IRS1: variants seen among roughly 807,000 people sequenced by gnomAD.
IRS1 encodes insulin receptor substrate 1.
IRS1 carries 34 observed loss-of-function variants against 65.6 expected under a neutral mutation model. That is an observed-to-expected ratio of 0.52 (90% confidence interval 0.39 to 0.69). IRS1 has a LOEUF of 0.69. Ranked by LOEUF, IRS1 falls within the 30% of genes least tolerant of loss-of-function variation. The pLI is 0.00. For missense variants in IRS1, 1,641 were observed against 1,720.2 expected, an observed-to-expected ratio of 0.95 and a Z score of 0.81; for synonymous variants, 699 against 683.5, an observed-to-expected ratio of 1.02 and a Z score of -0.35.
At position 226,796,784 on chromosome 2, in the gene IRS1, C is replaced by T. The variant is rs757021553; in HGVS notation, c.1955G>A (p.Arg652His). ...APQQIINPIR[R>H]HPQRVDPNGY... ...ATTGGGGTCCACTCTCTGGGGATGGCGTCTGATGGGATTGATGATCTGCTG... is the reference window on the plus strand; with the variant it reads ...ATTGGGGTCCACTCTCTGGGGATGGTGTCTGATGGGATTGATGATCTGCTG... Residue 652 changes from arginine to histidine, a missense_variant, in exon 1 of 2, where the codon CGC becomes CAC. Physicochemically the swap from Arg to His is conservative, Grantham distance 29. Around this residue, in one of 3 missense-constraint regions of IRS1, gnomAD observed 1,324 missense variants for 1,361.0 expected, o/e 0.97. Transcript: ENST00000305123. The T allele has an allele frequency of 2.5e-6, 4 of 1,585,458 alleles. No homozygotes were observed. Among genetic ancestry groups the T allele is most frequent in the East Asian group, 2.2e-5 (1 of 44,574 alleles).
chr2:226,788,249 G>C (rs557345876), intron 1 of IRS1, among the ~76,000 whole-genome samples: 1 of 152,164 alleles, frequency 6.6e-6, no homozygotes, highest in African/African-American at 2.4e-5. Flanking sequence ...ATCCAACTCA[G>C]CTTACTCAAT....
intron 1 of IRS1, among the ~76,000 whole-genome samples, chr2:226,775,020 C>T (rs1261477135): frequency 1.3e-5 from 2 of 152,010 alleles, no homozygotes; most frequent in East Asian, 3.9e-4. Flanking sequence ...ATGGTAAATA[C>T]AAGTAATTAA....
chr2:226,732,190 A>G lies in IRS1; in HGVS notation c.*4082T>C, dbSNP rs1938234318. 6.6e-6 allele frequency: 1 copy of G among 152,102 alleles called. No individual in the cohort carries two copies. The allele number at this position is 152,102 out of a possible 1,614,324, so 9.4% of individuals were successfully genotyped here. On this transcript the variant is annotated 3_prime_UTR_variant, in exon 2 of 2. Transcript: ENST00000305123. ...CTAATGTGATGCTCTGTTTACAAGTAGTGGGAGACACACAACAGGCTACAT... is the reference window on the plus strand; with the variant it reads ...CTAATGTGATGCTCTGTTTACAAGTGGTGGGAGACACACAACAGGCTACAT...
chr2:226,788,318 G>T (rs773195671), intron 1 of IRS1, among the ~76,000 whole-genome samples: 1 of 152,114 alleles, frequency 6.6e-6, no homozygotes, highest in Non-Finnish European at 1.5e-5. Flanking sequence ...TAAGAAAACT[G>T]CAACTAGAAT....
At chr2:226,744,473 A>G (rs1188534325) in intron 1 of IRS1, among the ~76,000 whole-genome samples, 1 of 152,162 alleles carries the variant, frequency 6.6e-6, no homozygotes, top group Non-Finnish European at 1.5e-5. Context: ...CCTACAACAT[A>G]CATCTAAGGC....
chr2:226,757,459 T>C (rs1938827262), intron 1 of IRS1, among the ~76,000 whole-genome samples: 2 of 151,638 alleles, frequency 1.3e-5, no homozygotes, highest in African/African-American at 4.9e-5. Flanking sequence ...TACTAAAAAA[T>C]ACAAAAATTA....
In IRS1 at chr2:226,799,414, C is replaced by T. The variant is rs1574668727; in HGVS notation, c.-676G>A. ...CTGCCGCCGCCCGCGGGCGCGTCCT[C>T]TGCAGCCCCCATCCGGGCCCATCTC... On this transcript the variant is annotated 5_prime_UTR_variant, in exon 1 of 2. Coordinates refer to ENST00000305123, the MANE Select transcript of IRS1 (RefSeq NM_005544.3). This position sits in a 1 kb window ranked among gnomAD's most constrained non-coding sequence, Gnocchi z 6.1. The T allele has an allele frequency of 8.0e-7, 1 of 1,249,980 alleles. No homozygotes were observed. The highest frequency in any genetic ancestry group is 7.3e-5 in the East Asian group (1 of 13,740). The allele number at this position is 1,249,980 out of a possible 1,614,324, so 77.4% of individuals were successfully genotyped here.
At chr2:226,759,098 G>A (rs940123707) in intron 1 of IRS1, among the ~76,000 whole-genome samples, 4 of 152,124 alleles carry the variant, frequency 2.6e-5, no homozygotes, top group South Asian at 2.1e-4. Context: ...GCCTGTGTCC[G>A]GGGCTGGTGC....
chr2:226,737,867 G>A (rs1361121980), intron 1 of IRS1, among the ~76,000 whole-genome samples: 1 of 152,108 alleles, frequency 6.6e-6, no homozygotes, highest in Non-Finnish European at 1.5e-5. Flanking sequence ...CTTGCCACGT[G>A]GTAGTACTTA....
chr2:226,772,551 G>A (rs1327185926), intron 1 of IRS1, among the ~76,000 whole-genome samples: 2 of 152,160 alleles, frequency 1.3e-5, no homozygotes, highest in Non-Finnish European at 1.5e-5. Context: ...TAATGAATGA[G>A]TGAACAGTAG....
At position 226,783,462 on chromosome 2, in the gene IRS1, A is replaced by G. The variant is rs567161559; in HGVS notation, c.*21+11527T>C. 4.6e-5 allele frequency among the ~76,000 whole-genome samples: 7 copies of G among 152,316 alleles called. No homozygotes were observed. In the South Asian group the frequency reaches 1.4e-3, roughly 32 times the overall value. ...TTACTTGTTTATTTTTGCCCCCTGT[A>G]AAGTGCCACAAAGGCAGGGACACAC... is the stretch of plus-strand genomic sequence containing the variant. On this transcript the variant is annotated intron_variant, in intron 1 of 1. Transcript: ENST00000305123.
chr2:226,778,485 G>A (rs556161134), intron 1 of IRS1, among the ~76,000 whole-genome samples: 1 of 151,856 alleles, frequency 6.6e-6, no homozygotes, highest in Non-Finnish European at 1.5e-5. Context: ...TTTTACATAA[G>A]AGCAGTTTCA....
chr2:226,798,352 C>T lies in IRS1; in HGVS notation c.387G>A (p.Ala129=). ...CGCTGCAGCTGCCCCCACCACCTCC[C>T]GCCCCGAGGGCCGCAGCTCCGTCGT... ...GHHDGAAALG[A]GGGGGSCSGS... The change falls in exon 1 of 2, where the codon GCG becomes GCA. Residue 129 remains alanine (A), a synonymous_variant. Transcript: ENST00000305123. The surrounding 1 kb of genome is among the most constrained non-coding windows in gnomAD (Gnocchi z 9.4). 2 of 1,613,528 alleles carry T rather than the reference C, an allele frequency of 1.2e-6. No homozygotes were observed. Among genetic ancestry groups the T allele is most frequent in the South Asian group, 1.1e-5 (1 of 91,066 alleles).
At chr2:226,776,595 G>A (rs1239029307) in intron 1 of IRS1, among the ~76,000 whole-genome samples, 1 of 152,166 alleles carries the variant, frequency 6.6e-6, no homozygotes, top group Admixed American at 6.5e-5. Flanking sequence ...TCAAGGTGAT[G>A]AAATGGCACT....
At chr2:226,746,782 A>G (rs1574641868) in intron 1 of IRS1, among the ~76,000 whole-genome samples, 1 of 138,534 alleles carries the variant, frequency 7.2e-6, no homozygotes, top group Admixed American at 7.3e-5. Context: ...TCCTAGCAGC[A>G]TTCTTTTTTT....
intron 1 of IRS1, among the ~76,000 whole-genome samples, chr2:226,783,985 C>T (rs899193005): frequency 1.3e-5 from 2 of 152,058 alleles, no homozygotes; most frequent in Non-Finnish European, 2.9e-5. Flanking sequence ...CAGCCAGCAT[C>T]ATCCACTAGA....
At chr2:226,766,121 T>TA (rs1553531211) in intron 1 of IRS1, among the ~76,000 whole-genome samples, 155 of 14,236 alleles carry the variant, frequency 0.011, 9 homozygotes, top group African/African-American at 0.022. Context: ...TCTCTTAATC[T>TA]TATATATATA....
intron 1 of IRS1, among the ~76,000 whole-genome samples, chr2:226,763,409 C>T (rs1240183509): frequency 6.6e-6 from 1 of 151,306 alleles, no homozygotes; most frequent in Non-Finnish European, 1.5e-5. Flanking sequence ...AAAAATACTA[C>T]AACAAAATCC....
At chr2:226,748,654 C>CAAACAAAACA (rs111579519) in intron 1 of IRS1, among the ~76,000 whole-genome samples, 6 of 151,756 alleles carry the variant, frequency 4.0e-5, no homozygotes, top group African/African-American at 1.5e-4. Flanking sequence ...AAAAAACAAA[C>CAAACAAAACA]AAACAAAACA....
Sources: allele counts gnomAD v4.1 joint callset (sites outside exome capture counted in the v4.1 genomes callset), GRCh38; gene constraint gnomAD v4.1.1; regional missense constraint gnomAD v4.1.1; non-coding constraint Gnocchi (gnomAD v3.1); transcripts MANE v1.5; gene names NCBI Gene and HGNC (gene_info 2026-07-23, HGNC 2026-07-21).